Variants in TASP1 observed in about 807,000 individuals in gnomAD.
The protein encoded by TASP1 is threonine aspartase 1.
TASP1 carries 16 observed loss-of-function variants against 56.6 expected under a neutral mutation model. The ratio of observed to expected loss-of-function variants is 0.28; its 90% confidence interval spans 0.19 to 0.43. TASP1 has a LOEUF of 0.43. TASP1 is among the 20% of genes least tolerant of loss of function. TASP1 has a pLI of 1.00. For missense variants in TASP1, 393 were observed against 511.6 expected, an observed-to-expected ratio of 0.77 and a Z score of 2.24; for synonymous variants, 179 against 184.2, an observed-to-expected ratio of 0.97 and a Z score of 0.23.
the TASP1 span, among the ~76,000 whole-genome samples, chr20:13,113,625 G>A: frequency 5.3e-5 from 8 of 152,166 alleles, no homozygotes; most frequent in Non-Finnish European, 7.3e-5. Context: ...CTGGGACCTA[G>A]GTTCAAATCC....
At chr20:13,459,640 T>C (rs547412217) in intron 11 of TASP1, among the ~76,000 whole-genome samples, 1 of 152,258 alleles carries the variant, frequency 6.6e-6, no homozygotes, top group East Asian at 1.9e-4. Flanking sequence ...CTATACTTTC[T>C]TGTTTTTCCT....
At chr20:13,228,570 G>A in the TASP1 span, among the ~76,000 whole-genome samples, 1 of 151,936 alleles carries the variant, frequency 6.6e-6, no homozygotes, top group Admixed American at 6.5e-5. Context: ...ATGCTTTTAT[G>A]ATTTTTTTCC....
At chr20:13,438,936 C>T (rs1002340321) in intron 11 of TASP1, among the ~76,000 whole-genome samples, 4 of 152,120 alleles carry the variant, frequency 2.6e-5, no homozygotes, top group Non-Finnish European at 4.4e-5. Flanking sequence ...TAGAGAAATG[C>T]ATATCAAAAC....
chr20:13,412,902 G>C (rs949155033), intron 13 of TASP1, among the ~76,000 whole-genome samples: 8 of 152,142 alleles, frequency 5.3e-5, no homozygotes, highest in Non-Finnish European at 8.8e-5. Flanking sequence ...ATAAGGTTTT[G>C]CTTCCTCGTT....
intron 4 of TASP1, among the ~76,000 whole-genome samples, chr20:13,590,625 T>A (rs1276238524): frequency 1.3e-5 from 2 of 152,122 alleles, no homozygotes; most frequent in Non-Finnish European, 2.9e-5. Context: ...CCCAGCACTT[T>A]GGGAGGCCAA....
At position 13,516,651 on chromosome 20, in the gene TASP1, C is replaced by T. The variant is rs544626377; in HGVS notation, c.874+11782G>A. Among the ~76,000 whole-genome samples the T allele has an allele frequency of 3.5e-3, 474 of 136,742 alleles. 1 individual carries two copies. The highest frequency in any genetic ancestry group is 0.016 in the East Asian group (73 of 4,630). 89.7% of individuals were successfully genotyped at this position (136,742 alleles called of 152,430 possible). A position where few individuals can be genotyped will look rare whatever the true frequency, so the allele number is the denominator to read the frequency against. On this transcript the variant is annotated intron_variant, in intron 10 of 13. Coordinates refer to ENST00000337743, the MANE Select transcript of TASP1 (RefSeq NM_017714.3). ...CATTTTAACTCATCACTTGATCTTA[C>T]GCCTTTGTTTTTTTTTTTTTTTTTT...
the TASP1 span, among the ~76,000 whole-genome samples, chr20:13,316,227 G>A: frequency 6.6e-6 from 1 of 151,786 alleles, no homozygotes; most frequent in African/African-American, 2.4e-5. Flanking sequence ...AACACAATCT[G>A]CCAAAATTCA....
chr20:13,607,158 T>C (rs2048189452), intron 4 of TASP1, among the ~76,000 whole-genome samples: 1 of 152,198 alleles, frequency 6.6e-6, no homozygotes, highest in African/African-American at 2.4e-5. Flanking sequence ...TATTTTAAAC[T>C]TATTCATAAC....
At chr20:13,148,154 C>T in the TASP1 span, among the ~76,000 whole-genome samples, 1 of 152,290 alleles carries the variant, frequency 6.6e-6, no homozygotes, top group African/African-American at 2.4e-5. Flanking sequence ...TTGTCCTAAA[C>T]ATATTTTTGG....
At chr20:13,381,634 C>T in the TASP1 span, among the ~76,000 whole-genome samples, 1 of 152,140 alleles carries the variant, frequency 6.6e-6, no homozygotes, top group African/African-American at 2.4e-5. Context: ...TATTGTTTAG[C>T]TTGTTGTTCT....
intron 3 of TASP1, 144 bp from the exon 4 acceptor site, chr20:13,623,658 G>A: frequency 1.8e-6 from 1 of 555,160 alleles, no homozygotes; most frequent in South Asian, 3.1e-5. Context: ...AAACTACTCA[G>A]ATTAAAAACA....
At chr20:13,426,403 T>C (rs1252369064) in intron 12 of TASP1, among the ~76,000 whole-genome samples, 1 of 152,194 alleles carries the variant, frequency 6.6e-6, no homozygotes, top group Admixed American at 6.5e-5. Flanking sequence ...TTGTATTCTA[T>C]ATTTCAGATG....
chr20:13,396,166 C>T (rs1022091372), intron 13 of TASP1, among the ~76,000 whole-genome samples: 2 of 152,142 alleles, frequency 1.3e-5, no homozygotes, highest in African/African-American at 4.8e-5. Context: ...ACTCAGGAGA[C>T]ACTGCCACCC....
chr20:13,365,965 T>G, the TASP1 span, among the ~76,000 whole-genome samples: 1 of 152,086 alleles, frequency 6.6e-6, no homozygotes, highest in African/African-American at 2.4e-5. Context: ...AGACAGAGAT[T>G]CAGGATATGT....
At chr20:13,237,719 A>G in the TASP1 span, 1 of 152,218 alleles carries the variant, frequency 6.6e-6, no homozygotes, top group Non-Finnish European at 1.5e-5. Context: ...TTCAATTTTA[A>G]TAAAAGAGTA....
chr20:13,416,220 T>C (rs2042248492), intron 13 of TASP1, among the ~76,000 whole-genome samples: 1 of 152,236 alleles, frequency 6.6e-6, no homozygotes, highest in African/African-American at 2.4e-5. Context: ...CAAAATTCTA[T>C]TAGACAGTGC....
intron 4 of TASP1, 98 bp from the exon 5 acceptor site, chr20:13,587,468 A>T: frequency 9.9e-7 from 1 of 1,009,566 alleles, no homozygotes; most frequent in East Asian, 2.7e-5. Flanking sequence ...AGGTGAGAGA[A>T]TACTTTCCAA....
At chr20:13,375,204 G>A in the TASP1 span, among the ~76,000 whole-genome samples, 3 of 152,070 alleles carry the variant, frequency 2.0e-5, no homozygotes, top group Non-Finnish European at 4.4e-5. Flanking sequence ...ATCTACATTA[G>A]GTATTTCTCC....
chr20:13,474,458 CATT>C lies in TASP1; in HGVS notation c.985+8766_985+8768del, dbSNP rs199955038. 2.6e-4 allele frequency among the ~76,000 whole-genome samples: 39 copies of C among 152,296 alleles called. No homozygotes were observed. In the East Asian group the frequency reaches 4.6e-3, roughly 18 times the overall value. Reference sequence around the variant, plus strand: ...GCCCCATCCAAGTTTCTGTAAAAGACATTATTTCATTCCTTTTTATGGTTGAAT... The same window carrying C: ...GCCCCATCCAAGTTTCTGTAAAAGACATTTCATTCCTTTTTATGGTTGAAT... On this transcript the variant is annotated intron_variant, in intron 11 of 13. Coordinates refer to ENST00000337743, the MANE Select transcript of TASP1 (RefSeq NM_017714.3).
Sources: gnomAD v4.1 joint callset for allele counts (sites outside exome capture counted in the v4.1 genomes callset) on GRCh38, gnomAD v4.1.1 for gene constraint, MANE v1.5 for transcripts, NCBI Gene and HGNC (gene_info 2026-07-23, HGNC 2026-07-21) for gene names.